The following IPO11 variants were observed in gnomAD, a reference collection of about 807,000 sequenced individuals.
The protein encoded by IPO11 is importin 11, also known as importin-11.
IPO11 carries 66 observed loss-of-function variants against 143.2 expected under a neutral mutation model. That is an observed-to-expected ratio of 0.46 (90% CI 0.38 to 0.57). The LOEUF is 0.57. IPO11 is among the 20% of genes least tolerant of loss of function. The pLI is 0.00. For missense variants in IPO11, 1,026 were observed against 1,141.0 expected (o/e 0.90, Z 1.45); for synonymous variants, 385 against 377.8 (o/e 1.02, Z -0.22).
At chr5:62,562,424 T>A (rs2112368615) in intron 27 of IPO11, among the ~76,000 whole-genome samples, 1 of 152,310 alleles carries the variant, frequency 6.6e-6, no homozygotes, top group East Asian at 1.9e-4. Flanking sequence ...GTTTTCAGGA[T>A]GAAGCTATTC....
At chr5:62,442,032 G>A (rs953377551) in intron 2 of IPO11, among the ~76,000 whole-genome samples, 2 of 151,878 alleles carry the variant, frequency 1.3e-5, no homozygotes, top group African/African-American at 4.8e-5. Context: ...TTTTAGTAGA[G>A]ATGGGGTTTC....
intron 20 of IPO11, 86 bp from the exon 21 acceptor site, chr5:62,526,056 A>T (rs996733252): frequency 2.6e-6 from 2 of 781,586 alleles, no homozygotes; most frequent in African/African-American, 3.5e-5. Flanking sequence ...AATTGGTTTT[A>T]GGGCTTTTTG....
At chr5:62,601,433 G>A (rs1015013974) in intron 28 of IPO11, 1 of 165,832 alleles carries the variant, frequency 6.0e-6, no homozygotes, top group African/African-American at 2.4e-5. Flanking sequence ...AAGAGTTTAT[G>A]TCATTTTTAA....
At chr5:62,414,413 A>G (rs1361525556) in intron 1 of IPO11, among the ~76,000 whole-genome samples, 1 of 152,132 alleles carries the variant, frequency 6.6e-6, no homozygotes, top group Non-Finnish European at 1.5e-5. Flanking sequence ...GTGTGTATGT[A>G]TGTAACCTCA....
chr5:62,518,045 T>C (rs1313827990), intron 20 of IPO11, among the ~76,000 whole-genome samples: 4 of 151,738 alleles, frequency 2.6e-5, no homozygotes, highest in African/African-American at 9.7e-5. Flanking sequence ...GGCTCACACC[T>C]GTAATCCCGG....
At chr5:62,507,732 A>G (rs964873315) in intron 19 of IPO11, among the ~76,000 whole-genome samples, 12 of 152,220 alleles carry the variant, frequency 7.9e-5, no homozygotes, top group Non-Finnish European at 1.5e-4. Context: ...TTTTTTAAAT[A>G]GAAATGGGTC....
chr5:62,535,541 T>C (rs1035652646), intron 22 of IPO11, among the ~76,000 whole-genome samples: 2 of 152,164 alleles, frequency 1.3e-5, no homozygotes, highest in Non-Finnish European at 2.9e-5. Context: ...GATGACAGTT[T>C]TTGGTTTTTT....
At chr5:62,464,090 C>G (rs1290196297) in intron 5 of IPO11, among the ~76,000 whole-genome samples, 1 of 149,138 alleles carries the variant, frequency 6.7e-6, no homozygotes, top group Admixed American at 6.7e-5. Context: ...CCCCAGAGTG[C>G]TGGGATTACA....
intron 5 of IPO11, among the ~76,000 whole-genome samples, chr5:62,458,852 T>A (rs1745258407): frequency 6.6e-6 from 1 of 152,204 alleles, no homozygotes; most frequent in Non-Finnish European, 1.5e-5. Flanking sequence ...ACTCTTCCTG[T>A]ATTGATTCAT....
chr5:62,542,726 G>A (rs907800493), intron 24 of IPO11, among the ~76,000 whole-genome samples: 1 of 152,076 alleles, frequency 6.6e-6, no homozygotes, highest in Non-Finnish European at 1.5e-5. Flanking sequence ...GACTGAACAT[G>A]TTATCTAGAG....
chr5:62,463,635 C>T (rs1164719336), intron 5 of IPO11, among the ~76,000 whole-genome samples: 1 of 150,972 alleles, frequency 6.6e-6, no homozygotes, highest in Non-Finnish European at 1.5e-5. Context: ...TGCGCCACTG[C>T]ACTCTAGCCT....
chr5:62,456,693 T>G (rs1235764513), intron 5 of IPO11, among the ~76,000 whole-genome samples: 1 of 152,256 alleles, frequency 6.6e-6, no homozygotes, highest in Non-Finnish European at 1.5e-5. Flanking sequence ...GAATGCTGAC[T>G]GTGTACAAGA....
At chr5:62,537,366 G>T in intron 24 of IPO11, 77 bp downstream of exon 24, 1 of 974,460 alleles carries the variant, frequency 1.0e-6, no homozygotes, top group East Asian at 2.6e-5. Flanking sequence ...TCATTTGGAT[G>T]GTTCGCAAGA....
At chr5:62,464,143 GTTTTTTTTT>G (rs34056674) in intron 5 of IPO11, among the ~76,000 whole-genome samples, 4 of 78,680 alleles carry the variant, frequency 5.1e-5, no homozygotes, top group East Asian at 7.9e-4. Flanking sequence ...GTTTTTGGTG[GTTTTTTTTT>G]TTTTTTTTTT....
chr5:62,603,112 T>G (rs1745565996), intron 29 of IPO11, among the ~76,000 whole-genome samples: 1 of 152,186 alleles, frequency 6.6e-6, no homozygotes, highest in Admixed American at 6.5e-5. Flanking sequence ...ATGGGCTAAT[T>G]GATCTAAACA....
At chr5:62,450,556 C>T (rs996577220) in intron 4 of IPO11, among the ~76,000 whole-genome samples, 1 of 152,004 alleles carries the variant, frequency 6.6e-6, no homozygotes, top group Non-Finnish European at 1.5e-5. Flanking sequence ...TGACACATTT[C>T]TCAGAACATA....
chr5:62,604,550 C>T (rs1176057563), intron 29 of IPO11, among the ~76,000 whole-genome samples: 1 of 151,730 alleles, frequency 6.6e-6, no homozygotes, highest in Non-Finnish European at 1.5e-5. Flanking sequence ...TTTTTTTTTG[C>T]ACCTACAGTA....
At position 62,531,947 on chromosome 5, in the gene IPO11, A is replaced by G. The variant is rs115807557; in HGVS notation, c.2089+1162A>G. On this transcript the variant is annotated intron_variant, in intron 22 of 29. Transcript: ENST00000325324. The stretch of plus-strand genomic sequence containing the variant: ...TGTTGATCTACTAGAAAAAGAGAAT[A>G]GGGTTCTTTGGTGAAGGCCTTTTTA... Among the ~76,000 whole-genome samples, 1,350 of 152,284 alleles carry G rather than the reference A, an allele frequency of 8.9e-3. 9 individuals are homozygous for G. Among genetic ancestry groups the G allele is most frequent in the Admixed American group, 0.016 (250 of 15,302 alleles).
chr5:62,526,611 G>GT (rs1742377799), intron 21 of IPO11: 1 of 193,670 alleles, frequency 5.2e-6, no homozygotes. Context: ...ACTTAACCAA[G>GT]TGTTGAGATA....
Sources: gnomAD v4.1 joint callset for allele counts (sites outside exome capture counted in the v4.1 genomes callset) on GRCh38, gnomAD v4.1.1 for gene constraint, MANE v1.5 for transcripts, NCBI Gene and HGNC (gene_info 2026-07-23, HGNC 2026-07-21) for gene names.